LHFPL6: variants seen among roughly 807,000 people sequenced by gnomAD.
The protein encoded by LHFPL6 is LHFPL tetraspan subfamily member 6 protein.
LHFPL6 carries 9 observed loss-of-function variants against 20.6 expected under a neutral mutation model. The observed-to-expected ratio is 0.44, with a 90% CI of 0.26 to 0.76. LHFPL6 has a LOEUF of 0.76. Ranked by LOEUF, LHFPL6 falls within the 30% of genes least tolerant of loss-of-function variation. LHFPL6 has a pLI of 0.20. For missense variants in LHFPL6, 218 were observed against 253.5 expected (o/e 0.86, Z 0.95); for synonymous variants, 105 against 98.7 (o/e 1.06, Z -0.38).
chr13:39,425,177 T>C (rs1871606480), intron 2 of LHFPL6, among the ~76,000 whole-genome samples: 1 of 152,216 alleles, frequency 6.6e-6, no homozygotes, highest in Non-Finnish European at 1.5e-5. Flanking sequence ...AATACATATG[T>C]ACTCTTCATC....
intron 2 of LHFPL6, among the ~76,000 whole-genome samples, chr13:39,490,460 G>A (rs1478131027): frequency 1.3e-5 from 2 of 152,144 alleles, no homozygotes; most frequent in Non-Finnish European, 2.9e-5. Context: ...CGGTAGGCTC[G>A]CTCTCAGGTA....
chr13:39,537,835 T>G (rs2138500884), intron 2 of LHFPL6, among the ~76,000 whole-genome samples: 2 of 152,054 alleles, frequency 1.3e-5, no homozygotes, highest in East Asian at 3.9e-4. Flanking sequence ...ACAGAACCAC[T>G]AAGAAAGCAA....
At chr13:39,350,928 T>C (rs999398798) in intron 3 of LHFPL6, among the ~76,000 whole-genome samples, 2 of 152,188 alleles carry the variant, frequency 1.3e-5, no homozygotes, top group Non-Finnish European at 2.9e-5. Context: ...TTGGAAGTGA[T>C]AGAGACAGAA....
intron 2 of LHFPL6, among the ~76,000 whole-genome samples, chr13:39,466,915 A>G (rs1273388734): frequency 1.3e-5 from 2 of 152,314 alleles, no homozygotes; most frequent in Non-Finnish European, 1.5e-5. Flanking sequence ...GAAATTCTAC[A>G]CCATCATTAT....
intron 2 of LHFPL6, among the ~76,000 whole-genome samples, chr13:39,422,602 A>AAGAAGAAG (rs67032774): frequency 1.7e-4 from 19 of 114,336 alleles, no homozygotes; most frequent in South Asian, 3.0e-4. Context: ...AAAAAAAAAA[A>AAGAAGAAG]AAGAAGAAGA....
chr13:39,407,643 A>T (rs549473210), intron 2 of LHFPL6, among the ~76,000 whole-genome samples: 1 of 152,372 alleles, frequency 6.6e-6, no homozygotes, highest in Admixed American at 6.5e-5. Flanking sequence ...TAGGAGTTAA[A>T]TGTAATGAAC....
intron 2 of LHFPL6, among the ~76,000 whole-genome samples, chr13:39,539,562 A>G (rs1870731422): frequency 6.6e-6 from 1 of 152,232 alleles, no homozygotes; most frequent in South Asian, 2.1e-4. Flanking sequence ...ATTTTCCTGA[A>G]CAATATGCTG....
chr13:39,361,814 T>C (rs1250562559), intron 3 of LHFPL6, among the ~76,000 whole-genome samples: 2 of 152,340 alleles, frequency 1.3e-5, no homozygotes, highest in African/African-American at 4.8e-5. Context: ...TCAATGTTAA[T>C]TTCCTAATTT....
intron 2 of LHFPL6, among the ~76,000 whole-genome samples, chr13:39,396,028 T>C (rs1469246449): frequency 2.6e-5 from 4 of 152,230 alleles, no homozygotes; most frequent in African/African-American, 9.6e-5. Context: ...TATGAAGGCA[T>C]AGGGTTTTAC....
At chr13:39,365,549 G>GC (rs1383316887) in intron 3 of LHFPL6, among the ~76,000 whole-genome samples, 12 of 152,164 alleles carry the variant, frequency 7.9e-5, no homozygotes, top group Non-Finnish European at 1.5e-5. Context: ...TTGAAAAAGT[G>GC]CAAGACGTGG....
intron 2 of LHFPL6, among the ~76,000 whole-genome samples, chr13:39,450,745 A>G (rs1018674573): frequency 6.6e-6 from 1 of 152,166 alleles, no homozygotes; most frequent in Non-Finnish European, 1.5e-5. Context: ...ACAGTCAAAT[A>G]TCAGTCATTT....
chr13:39,564,794 T>C (rs1871658367), intron 2 of LHFPL6, among the ~76,000 whole-genome samples: 1 of 152,174 alleles, frequency 6.6e-6, no homozygotes. Context: ...CTTCTGCCAA[T>C]GAGCTATGTT....
At chr13:39,499,371 T>C (rs1247315651) in intron 2 of LHFPL6, among the ~76,000 whole-genome samples, 1 of 152,226 alleles carries the variant, frequency 6.6e-6, no homozygotes, top group Non-Finnish European at 1.5e-5. Flanking sequence ...ACTTTGTACC[T>C]GGATCATGGC....
chr13:39,572,499 T>C (rs967386412), intron 2 of LHFPL6, among the ~76,000 whole-genome samples: 1 of 152,192 alleles, frequency 6.6e-6, no homozygotes, highest in Admixed American at 6.5e-5. Flanking sequence ...CATCTCCTAT[T>C]ACTCAAAAAC....
chr13:39,521,597 G>A (rs149142240), intron 2 of LHFPL6, among the ~76,000 whole-genome samples: 146 of 152,082 alleles, frequency 9.6e-4, no homozygotes, highest in African/African-American at 2.9e-3. Context: ...GTTTGTTGTT[G>A]TTGTTGTCAT....
chr13:39,547,748 A>C (rs896215887), intron 2 of LHFPL6, among the ~76,000 whole-genome samples: 6 of 152,132 alleles, frequency 3.9e-5, no homozygotes, highest in Non-Finnish European at 8.8e-5. Context: ...TCTTTAAAAA[A>C]TTTATTCCTT....
At chr13:39,438,655 A>C (rs1272048733) in intron 2 of LHFPL6, among the ~76,000 whole-genome samples, 1 of 152,212 alleles carries the variant, frequency 6.6e-6, no homozygotes, top group Admixed American at 6.5e-5. Context: ...CCAGGGCCTC[A>C]CTGCCCTCTG....
At chr13:39,352,972 C>CACAT (rs1555257725) in intron 3 of LHFPL6, among the ~76,000 whole-genome samples, 1,832 of 68,930 alleles carry the variant, frequency 0.027, 115 homozygotes, top group African/African-American at 0.044. Context: ...CACACACACA[C>CACAT]ATATATATAT....
At chr13:39,446,952 T>A (rs983768695) in intron 2 of LHFPL6, among the ~76,000 whole-genome samples, 3 of 152,196 alleles carry the variant, frequency 2.0e-5, no homozygotes, top group Non-Finnish European at 4.4e-5. Flanking sequence ...ACAGGGAGAT[T>A]GAGCCCTCGA....
Sources: gnomAD v4.1 joint callset for allele counts (sites outside exome capture counted in the v4.1 genomes callset) on GRCh38, gnomAD v4.1.1 for gene constraint, MANE v1.5 for transcripts, NCBI Gene and HGNC (gene_info 2026-07-23, HGNC 2026-07-21) for gene names.